SNTG1: variants seen among roughly 807,000 people sequenced by gnomAD.
SNTG1 encodes the protein syntrophin gamma 1.
SNTG1 carries 39 observed loss-of-function variants against 74.7 expected under a neutral mutation model. The observed-to-expected ratio is 0.52, with a 90% CI of 0.40 to 0.68. The LOEUF is 0.68. Among genes scored for constraint, SNTG1 ranks in the 30% least tolerant of loss-of-function variants. SNTG1 has a pLI of 0.00. For synonymous variants in SNTG1, 254 were observed against 217.1 expected, an observed-to-expected ratio of 1.17 and a Z score of -1.49; for missense variants, 685 against 609.5, an observed-to-expected ratio of 1.12 and a Z score of -1.30.
intron 12 of SNTG1, among the ~76,000 whole-genome samples, chr8:50,570,585 ATTG>A (rs151244285): frequency 1.0e-3 from 130 of 127,116 alleles, no homozygotes; most frequent in African/African-American, 3.4e-3. Flanking sequence ...TATTATTATT[ATTG>A]TTGTTATTAT....
intron 1 of SNTG1, among the ~76,000 whole-genome samples, chr8:50,143,169 G>T (rs2081733858): frequency 6.6e-6 from 1 of 152,154 alleles, no homozygotes; most frequent in African/African-American, 2.4e-5. Flanking sequence ...TGGCCATGCT[G>T]TGTCGACCTG....
chr8:50,130,613 ATTAGAAAGAATTTTTGTT>A (rs67420006), intron 1 of SNTG1, among the ~76,000 whole-genome samples: 30,890 of 152,066 alleles, frequency 0.2, 3,274 homozygotes, highest in South Asian at 0.36. Context: ...ACTTATAAAA[ATTAGAAAGAATTTTTGTT>A]TTACAAAACC....
intron 17 of SNTG1, among the ~76,000 whole-genome samples, chr8:50,718,616 T>C (rs906970871): frequency 2.6e-5 from 4 of 152,142 alleles, no homozygotes; most frequent in African/African-American, 9.7e-5. Flanking sequence ...AAAGCCCTAA[T>C]GCGCAATTCT....
intron 1 of SNTG1, among the ~76,000 whole-genome samples, chr8:50,075,616 T>C (rs1279235257): frequency 2.0e-5 from 3 of 152,128 alleles, no homozygotes; most frequent in African/African-American, 7.2e-5. Flanking sequence ...TGGCAACACG[T>C]TGGGGCCTGC....
At chr8:50,702,321 T>G (rs1329009104) in intron 15 of SNTG1, among the ~76,000 whole-genome samples, 1 of 152,146 alleles carries the variant, frequency 6.6e-6, no homozygotes, top group East Asian at 1.9e-4. Context: ...TTTCATTTTT[T>G]TCTCCCTTCA....
chr8:49,960,056 C>T (rs939323464), intron 1 of SNTG1, among the ~76,000 whole-genome samples: 3 of 152,196 alleles, frequency 2.0e-5, no homozygotes, highest in African/African-American at 4.8e-5. Context: ...TTTTACCGTG[C>T]ATTGTAAACC....
intron 1 of SNTG1, among the ~76,000 whole-genome samples, chr8:50,126,653 A>G (rs2081150150): frequency 1.3e-5 from 2 of 151,936 alleles, no homozygotes; most frequent in Non-Finnish European, 2.9e-5. Context: ...ATTATATATT[A>G]TATATAACAC....
rs999451351 is a variant in SNTG1 at position 50,005,594 on chromosome 8, A to G, written c.-103+93363A>G. On this transcript the variant is annotated intron_variant, in intron 1 of 18. Coordinates refer to ENST00000642720, the MANE Select transcript of SNTG1 (RefSeq NM_018967.5). The stretch of plus-strand genomic sequence containing the variant: ...ATATGCAATAAGGGTTACTATATAC[A>G]TACAAATACATAATTACATTTACCT... Among the ~76,000 whole-genome samples, 6 of 152,324 alleles carry G rather than the reference A, an allele frequency of 3.9e-5. No individual in the cohort carries two copies. The South Asian group carries it at 1.0e-3, about 26-fold the overall frequency.
At chr8:50,537,883 G>C (rs954120400) in intron 11 of SNTG1, among the ~76,000 whole-genome samples, 5 of 152,108 alleles carry the variant, frequency 3.3e-5, no homozygotes, top group Non-Finnish European at 7.4e-5. Flanking sequence ...CACAAAAACA[G>C]GTGGCAGGCT....
chr8:49,968,291 T>C (rs1811335335), intron 1 of SNTG1, among the ~76,000 whole-genome samples: 1 of 152,200 alleles, frequency 6.6e-6, no homozygotes, highest in Non-Finnish European at 1.5e-5. Flanking sequence ...TATATTTGCT[T>C]ATGAAATTTC....
chr8:50,448,199 G>A (rs1002985143), intron 5 of SNTG1, among the ~76,000 whole-genome samples: 1 of 152,058 alleles, frequency 6.6e-6, no homozygotes, highest in African/African-American at 2.4e-5. Context: ...GTGAAATAGT[G>A]AGGAAAAGGG....
At chr8:50,449,768 C>A in intron 6 of SNTG1, 43 bp downstream of exon 6, 1 of 1,472,944 alleles carries the variant, frequency 6.8e-7, no homozygotes, top group South Asian at 1.4e-5. Flanking sequence ...TTCTTTAAGG[C>A]ATTGTTTTTG....
chr8:49,977,921 G>A (rs1422262482), intron 1 of SNTG1, among the ~76,000 whole-genome samples: 1 of 152,182 alleles, frequency 6.6e-6, no homozygotes, highest in Non-Finnish European at 1.5e-5. Context: ...CAAGAAAGCT[G>A]TTTACTAGAT....
chr8:50,628,263 T>G (rs2094970503), intron 13 of SNTG1, among the ~76,000 whole-genome samples: 1 of 152,178 alleles, frequency 6.6e-6, no homozygotes, highest in African/African-American at 2.4e-5. Flanking sequence ...AAAGAGTCTG[T>G]CCTTTTTTGA....
chr8:50,138,579 G>A (rs1365568093), intron 1 of SNTG1, among the ~76,000 whole-genome samples: 1 of 150,918 alleles, frequency 6.6e-6, no homozygotes, highest in African/African-American at 2.4e-5. Flanking sequence ...GAGCTGAGAT[G>A]GTTCCATTGC....
intron 8 of SNTG1, among the ~76,000 whole-genome samples, chr8:50,476,857 GACACAC>G (rs59121229): frequency 2.7e-5 from 4 of 145,860 alleles, no homozygotes; most frequent in African/African-American, 1.0e-4. Context: ...GACACACACA[GACACAC>G]ACACACACAC....
intron 4 of SNTG1, among the ~76,000 whole-genome samples, chr8:50,429,662 T>C (rs1430141032): frequency 1.3e-5 from 2 of 152,126 alleles, no homozygotes; most frequent in African/African-American, 4.8e-5. Context: ...TTTAAAACTT[T>C]TGTGCTTCAA....
intron 13 of SNTG1, among the ~76,000 whole-genome samples, chr8:50,653,077 C>A (rs894886180): frequency 6.6e-6 from 1 of 151,816 alleles, no homozygotes. Flanking sequence ...CTTACAGAGA[C>A]AGAATATAGG....
rs527402601 is a variant in SNTG1 at position 50,111,199 on chromosome 8, G to A, written c.-102-61362G>A. On this transcript the variant is annotated intron_variant, in intron 1 of 18. Coordinates refer to ENST00000642720, the MANE Select transcript of SNTG1 (RefSeq NM_018967.5). ...AGCTCCCTCACACTTGCTTCCTGAG[G>A]TCACCTACTGTACTTTCCTGCTATG... Among the ~76,000 whole-genome samples, 149 of 152,106 alleles carry A rather than the reference G, an allele frequency of 9.8e-4. 1 individual carries two copies. The highest frequency in any genetic ancestry group is 1.6e-3 in the Non-Finnish European group (108 of 68,002).
Sources: gnomAD v4.1 joint callset for allele counts (sites outside exome capture counted in the v4.1 genomes callset) on GRCh38, gnomAD v4.1.1 for gene constraint, MANE v1.5 for transcripts, NCBI Gene and HGNC (gene_info 2026-07-23, HGNC 2026-07-21) for gene names.